ARHGAP17: variants seen among roughly 807,000 people sequenced by gnomAD.
ARHGAP17 encodes rho GTPase-activating protein 17.
In ARHGAP17, 57 loss-of-function variants were observed where a neutral mutation model predicts 99.5. The observed-to-expected ratio is 0.57, with a 90% CI of 0.46 to 0.71. The LOEUF (loss-of-function observed/expected upper bound fraction) is 0.71, where lower values mean the gene tolerates loss of function less well. Ranked by LOEUF, ARHGAP17 falls within the 30% of genes least tolerant of loss-of-function variation. The pLI is 0.00. For missense variants in ARHGAP17, 1,000 were observed against 1,122.4 expected (o/e 0.89, Z 1.56); for synonymous variants, 417 against 429.6 (o/e 0.97, Z 0.36).
intron 19 of ARHGAP17, among the ~76,000 whole-genome samples, chr16:24,928,783 C>T (rs187009943): frequency 9.9e-5 from 15 of 152,242 alleles, no homozygotes; most frequent in Admixed American, 2.0e-4. Flanking sequence ...GTAGACCCAG[C>T]GGCAGACTTA....
At chr16:24,963,676 A>G (rs993863654) in intron 7 of ARHGAP17, among the ~76,000 whole-genome samples, 1 of 152,208 alleles carries the variant, frequency 6.6e-6, no homozygotes, top group Non-Finnish European at 1.5e-5. Context: ...GTAATTTATG[A>G]GATAAAAAGC....
intron 17 of ARHGAP17, among the ~76,000 whole-genome samples, chr16:24,938,773 G>GAAAAA (rs111587139): frequency 1.2e-5 from 1 of 81,162 alleles, no homozygotes; most frequent in South Asian, 5.0e-4. Context: ...CGCAGTCTCA[G>GAAAAA]AAAAAAAAAA....
At chr16:24,983,161 C>T (rs1468662945) in intron 1 of ARHGAP17, among the ~76,000 whole-genome samples, 12 of 150,946 alleles carry the variant, frequency 7.9e-5, no homozygotes, top group East Asian at 3.9e-4. Flanking sequence ...TACACCACCA[C>T]GCTCAGCTAA....
At chr16:25,006,460 A>AG (rs2053509895) in intron 1 of ARHGAP17, among the ~76,000 whole-genome samples, 1 of 151,824 alleles carries the variant, frequency 6.6e-6, no homozygotes, top group African/African-American at 2.4e-5. Context: ...AAAAAAAAAA[A>AG]AAAAAAGAAA....
At chr16:24,943,704 CTTAAGAAGACTT>C in intron 15 of ARHGAP17, 55 bp downstream of exon 15, 1 of 1,407,144 alleles carries the variant, frequency 7.1e-7, no homozygotes, top group African/African-American at 1.4e-5. Context: ...GATGTATTCT[CTTAAGAAGACTT>C]TTTGTACGAT....
chr16:24,996,117 G>C (rs746950804), intron 1 of ARHGAP17, among the ~76,000 whole-genome samples: 1 of 152,000 alleles, frequency 6.6e-6, no homozygotes, highest in South Asian at 2.1e-4. Context: ...ATTTTTTTGG[G>C]GGGGGAGGGA....
intron 10 of ARHGAP17, among the ~76,000 whole-genome samples, chr16:24,954,175 T>A (rs778475238): frequency 6.6e-6 from 1 of 152,096 alleles, no homozygotes; most frequent in African/African-American, 2.4e-5. Flanking sequence ...GGGGTAAGAA[T>A]CCTGTAAAAT....
At position 25,015,237 on chromosome 16, in the gene ARHGAP17, T is replaced by G. The variant is rs1219226689; in HGVS notation, c.25A>C (p.Lys9Gln). MKKQFNRMKQLANQTVGRA... is the reference protein window; with the variant it reads MKKQFNRMQQLANQTVGRA... ...CCCACGGTCTGGTTAGCCAGCTGCT[T>G]CATGCGGTTGAACTGCTTCTTCATG... Residue 9 changes from lysine (K) to glutamine (Q), a missense_variant, in exon 1 of 20, where the codon AAG becomes CAG. By Grantham distance (53) the Lys-to-Gln change is moderately conservative (BLOSUM62 1). Around this residue, in one of 2 missense-constraint regions of ARHGAP17, gnomAD observed 472 missense variants for 611.1 expected, o/e 0.77. Transcript: ENST00000289968. The G allele has an allele frequency of 7.3e-7, 1 of 1,363,392 alleles. No individual in the cohort carries two copies. Among genetic ancestry groups the G allele is most frequent in the Non-Finnish European group, 9.6e-7 (1 of 1,047,052 alleles). 84.5% of individuals were successfully genotyped at this position (1,363,392 alleles called of 1,614,324 possible). A position where few individuals can be genotyped will look rare whatever the true frequency, so the allele number is the denominator to read the frequency against.
intron 1 of ARHGAP17, among the ~76,000 whole-genome samples, chr16:24,987,349 C>T (rs1035022728): frequency 1.3e-5 from 2 of 152,166 alleles, no homozygotes; most frequent in African/African-American, 4.8e-5. Flanking sequence ...CTGCAGCAGC[C>T]GCATTTAGCC....
intron 15 of ARHGAP17, 81 bp from the exon 16 acceptor site, chr16:24,942,224 G>T: frequency 7.1e-7 from 1 of 1,414,830 alleles, no homozygotes; most frequent in Non-Finnish European, 9.5e-7. Flanking sequence ...TCATTGGAAC[G>T]GGAACCTCGT....
intron 3 of ARHGAP17, 53 bp from the exon 4 acceptor site, chr16:24,970,633 A>G: frequency 6.7e-7 from 1 of 1,492,642 alleles, no homozygotes; most frequent in Non-Finnish European, 9.3e-7. Flanking sequence ...ACCCATTCTC[A>G]ATGATCTTTT....
chr16:25,007,542 C>A (rs1452097370), intron 1 of ARHGAP17, among the ~76,000 whole-genome samples: 1 of 152,014 alleles, frequency 6.6e-6, no homozygotes, highest in Non-Finnish European at 1.5e-5. Context: ...AAACTTTTTG[C>A]GTGTGTAGAG....
Position 24,949,401 on chromosome 16 carries a change from T to C in ARHGAP17, c.1127+3A>G, listed in dbSNP as rs763733560. 2.5e-6 allele frequency: 4 copies of C among 1,612,774 alleles called. No individual in the cohort carries two copies. The highest frequency in any genetic ancestry group is 1.7e-6 in the Non-Finnish European group (2 of 1,179,272). ...AGAGTCATTGTAGCTCAATCATACATACCTAAAGTTAACAAAATTTTGTGG... is the reference window on the plus strand; with the variant it reads ...AGAGTCATTGTAGCTCAATCATACACACCTAAAGTTAACAAAATTTTGTGG... On this transcript the variant is annotated splice_donor_region_variant and intron_variant, in intron 13 of 19. Coordinates refer to ENST00000289968, the MANE Select transcript of ARHGAP17 (RefSeq NM_001006634.3).
intron 1 of ARHGAP17, among the ~76,000 whole-genome samples, chr16:25,013,507 A>G (rs918129252): frequency 6.6e-6 from 1 of 152,080 alleles, no homozygotes; most frequent in South Asian, 2.1e-4. Flanking sequence ...TGTAGTTCCA[A>G]CCACATAGGT....
chr16:24,938,491 T>C (rs936560133), intron 17 of ARHGAP17, among the ~76,000 whole-genome samples: 4 of 152,118 alleles, frequency 2.6e-5, no homozygotes, highest in African/African-American at 9.7e-5. Context: ...CAGCTAGGCA[T>C]GGTGGCTCAT....
chr16:25,011,543 G>A (rs982546160), intron 1 of ARHGAP17, among the ~76,000 whole-genome samples: 5 of 152,058 alleles, frequency 3.3e-5, no homozygotes, highest in South Asian at 2.1e-4. Context: ...CATCTCTACT[G>A]AAAATACAAA....
intron 11 of ARHGAP17, 102 bp from the exon 12 acceptor site, chr16:24,952,472 C>A: frequency 2.4e-6 from 2 of 823,080 alleles, no homozygotes; most frequent in Non-Finnish European, 3.9e-6. Context: ...AACGATCTTC[C>A]AAGGTGTACA....
chr16:24,995,880 T>C (rs547042804), intron 1 of ARHGAP17, among the ~76,000 whole-genome samples: 1 of 152,202 alleles, frequency 6.6e-6, no homozygotes, highest in Non-Finnish European at 1.5e-5. Flanking sequence ...TACTTCTCTA[T>C]AGACCAACTT....
chr16:24,923,277 G>A (rs1447016734), intron 19 of ARHGAP17, among the ~76,000 whole-genome samples: 1 of 152,170 alleles, frequency 6.6e-6, no homozygotes, highest in Admixed American at 6.5e-5. Context: ...CATTGTTTCA[G>A]TCTTACAAAC....
Sources: allele counts gnomAD v4.1 joint callset (sites outside exome capture counted in the v4.1 genomes callset), GRCh38; gene constraint gnomAD v4.1.1; regional missense constraint gnomAD v4.1.1; transcripts MANE v1.5; gene names NCBI Gene and HGNC (gene_info 2026-07-23, HGNC 2026-07-21).